LRRTM3: variants seen among roughly 807,000 people sequenced by gnomAD.
LRRTM3 encodes leucine-rich repeat transmembrane neuronal protein 3.
Under a neutral mutation model 44.7 loss-of-function variants are expected in LRRTM3, and 24 were observed. That is an observed-to-expected ratio of 0.54 (90% CI 0.39 to 0.76). The LOEUF is 0.76. Ranked by LOEUF, LRRTM3 falls within the 30% of genes least tolerant of loss-of-function variation. The probability of loss-of-function intolerance (pLI) is 0.00; values close to 1 mark genes in which losing one functional copy is unlikely to be tolerated. For missense variants in LRRTM3, 587 were observed against 702.2 expected, an observed-to-expected ratio of 0.84 and a Z score of 1.85; for synonymous variants, 277 against 278.7, an observed-to-expected ratio of 0.99 and a Z score of 0.06.
intron 2 of LRRTM3, among the ~76,000 whole-genome samples, chr10:67,058,549 A>G (rs1855573470): frequency 6.6e-6 from 1 of 152,184 alleles, no homozygotes. Flanking sequence ...TGACTGGCCC[A>G]TGAACTATAT....
At chr10:66,973,159 T>C (rs1372637137) in intron 2 of LRRTM3, among the ~76,000 whole-genome samples, 3 of 152,208 alleles carry the variant, frequency 2.0e-5, no homozygotes, top group Non-Finnish European at 4.4e-5. Flanking sequence ...GATTTCATAG[T>C]CTTGTAATCT....
chr10:66,927,024 G>A lies in LRRTM3; in HGVS notation c.108G>A (p.Lys36=). ...MLSSAERGCP[K]GCRCEGKMVY... ...CTTCTGCCGAACGAGGATGCCCTAA[G>A]GGCTGTAGGTGTGAAGGCAAAATGG... The change falls in exon 2 of 3, where the codon AAG becomes AAA. Residue 36 remains lysine (K), a synonymous_variant. Coordinates refer to ENST00000361320, the MANE Select transcript of LRRTM3 (RefSeq NM_178011.5). The surrounding 1 kb of genome is among the most constrained non-coding windows in gnomAD (Gnocchi z 4.7). 6.2e-7 allele frequency: 1 copy of A among 1,614,114 alleles called. No homozygotes were observed. Among genetic ancestry groups the A allele is most frequent in the Non-Finnish European group, 8.5e-7 (1 of 1,180,028 alleles).
At chr10:66,991,637 C>T (rs992340386) in intron 2 of LRRTM3, among the ~76,000 whole-genome samples, 7 of 152,052 alleles carry the variant, frequency 4.6e-5, no homozygotes, top group Middle Eastern at 3.2e-3. Flanking sequence ...CTGCAACCTT[C>T]GCCTCCTGGG....
chr10:67,070,379 A>T (rs1238559732), intron 2 of LRRTM3, among the ~76,000 whole-genome samples: 1 of 152,120 alleles, frequency 6.6e-6, no homozygotes, highest in East Asian at 1.9e-4. Flanking sequence ...GTATGTTTTG[A>T]TGAACAAAAG....
intron 2 of LRRTM3, among the ~76,000 whole-genome samples, chr10:67,074,818 T>TTATGTATG (rs140973701): frequency 6.6e-5 from 10 of 152,036 alleles, no homozygotes; most frequent in South Asian, 2.1e-4. Context: ...CATAATTTAT[T>TTATGTATG]TATGTATGTA....
In LRRTM3 at chr10:66,926,299, A is replaced by T; in HGVS notation, c.-285A>T. On this transcript the variant is annotated 5_prime_UTR_variant, in exon 1 of 3. Transcript: ENST00000361320. ...CCGCCCCCTCCCCACCCCCCAAAAA[A>T]CTGTAAAGATGCAAAAACGTAATAT... is the stretch of plus-strand genomic sequence containing the variant. 2.1e-6 allele frequency: 1 copy of T among 471,428 alleles called. No homozygotes were observed. Among genetic ancestry groups the T allele is most frequent in the South Asian group, 2.0e-5 (1 of 49,222 alleles). The allele number at this position is 471,428 out of a possible 1,614,324, so 29.2% of individuals were successfully genotyped here.
At position 67,030,178 on chromosome 10, in the gene LRRTM3, G is replaced by A. The variant is rs529905161; in HGVS notation, c.1537-67409G>A. Among the ~76,000 whole-genome samples the A allele has an allele frequency of 3.9e-5, 6 of 152,270 alleles. No individual in the cohort carries two copies. In the East Asian group the frequency reaches 7.7e-4, roughly 20 times the overall value. ...AAAGCACCAGTTGGATGGTTTACAA[G>A]GGAAGTCAGACATTCATTTATTGCA... On this transcript the variant is annotated intron_variant, in intron 2 of 2. Transcript: ENST00000361320.
chr10:66,939,226 C>T (rs953792803), intron 2 of LRRTM3, among the ~76,000 whole-genome samples: 7 of 152,178 alleles, frequency 4.6e-5, no homozygotes, highest in African/African-American at 1.7e-4. Flanking sequence ...TCATACAGAA[C>T]TGAAGCATCT....
intron 2 of LRRTM3, among the ~76,000 whole-genome samples, chr10:67,075,131 T>C (rs934770176): frequency 2.6e-5 from 4 of 151,840 alleles, no homozygotes; most frequent in African/African-American, 9.7e-5. Context: ...AGAAGAGGGA[T>C]ACAAATTTGG....
intron 2 of LRRTM3, among the ~76,000 whole-genome samples, chr10:67,051,483 G>A (rs562991735): frequency 1.0e-4 from 15 of 148,230 alleles, no homozygotes; most frequent in Admixed American, 8.7e-4. Flanking sequence ...TTTTGGTGAC[G>A]GAGTCTCACC....
At chr10:66,999,371 A>T (rs1851551032) in intron 2 of LRRTM3, among the ~76,000 whole-genome samples, 1 of 152,122 alleles carries the variant, frequency 6.6e-6, no homozygotes, top group East Asian at 1.9e-4. Flanking sequence ...AAAACTTGGG[A>T]TTCCTGAAAA....
At chr10:67,015,206 A>C (rs1294914983) in intron 2 of LRRTM3, 2 of 152,100 alleles carry the variant, frequency 1.3e-5, no homozygotes, top group Non-Finnish European at 2.9e-5. Flanking sequence ...ACATGCTTTC[A>C]TTATCATAGT....
chr10:67,006,792 C>T (rs1852016649), intron 2 of LRRTM3, among the ~76,000 whole-genome samples: 1 of 117,198 alleles, frequency 8.5e-6, no homozygotes, highest in African/African-American at 2.9e-5. Context: ...AAATTACAGT[C>T]TTAAATTTTT....
intron 2 of LRRTM3, among the ~76,000 whole-genome samples, chr10:67,006,143 C>T (rs1851974159): frequency 2.0e-5 from 3 of 152,080 alleles, no homozygotes; most frequent in Admixed American, 2.0e-4. Context: ...AACTCCTGTG[C>T]CTGTTTCTTG....
chr10:66,939,179 A>G (rs1206570747), intron 2 of LRRTM3, among the ~76,000 whole-genome samples: 1 of 152,026 alleles, frequency 6.6e-6, no homozygotes, highest in African/African-American at 2.4e-5. Context: ...CATCTTTTTT[A>G]CCTCCTAAAA....
chr10:67,055,671 T>A (rs530885881), intron 2 of LRRTM3, among the ~76,000 whole-genome samples: 1 of 152,274 alleles, frequency 6.6e-6, no homozygotes, highest in Admixed American at 6.5e-5. Context: ...CCATGGGCTT[T>A]GTTCTTTGTA....
chr10:67,089,715 A>ATGTGTGTGTG (rs775306401), intron 2 of LRRTM3, among the ~76,000 whole-genome samples: 2 of 93,264 alleles, frequency 2.1e-5, no homozygotes, highest in Non-Finnish European at 2.3e-5. Flanking sequence ...GTGTATATAC[A>ATGTGTGTGTG]TATGTGTGTG....
At chr10:67,050,573 T>C (rs1215662940) in intron 2 of LRRTM3, among the ~76,000 whole-genome samples, 2 of 152,172 alleles carry the variant, frequency 1.3e-5, no homozygotes, top group African/African-American at 2.4e-5. Flanking sequence ...CTTCCCTCTG[T>C]AGCTCGAGTG....
chr10:67,000,069 G>T (rs192749514), intron 2 of LRRTM3, among the ~76,000 whole-genome samples: 6 of 152,258 alleles, frequency 3.9e-5, no homozygotes, highest in East Asian at 1.9e-4. Flanking sequence ...ACATGGAAAT[G>T]ATCATGATAG....
Sources: gnomAD v4.1 joint callset for allele counts (sites outside exome capture counted in the v4.1 genomes callset) on GRCh38, gnomAD v4.1.1 for gene constraint, Gnocchi (gnomAD v3.1) non-coding constraint, MANE v1.5 for transcripts, NCBI Gene and HGNC (gene_info 2026-07-23, HGNC 2026-07-21) for gene names.